The following PDE3B variants were observed in gnomAD, a reference collection of about 807,000 sequenced individuals.
PDE3B encodes the protein cGMP-inhibited 3',5'-cyclic phosphodiesterase 3B.
PDE3B carries 66 observed loss-of-function variants against 116.8 expected under a neutral mutation model. That is an observed-to-expected ratio of 0.56 (90% CI 0.46 to 0.69). The LOEUF (loss-of-function observed/expected upper bound fraction) is 0.69. Ranked by LOEUF, PDE3B falls within the 30% of genes least tolerant of loss-of-function variation. The pLI, the probability that PDE3B is intolerant of heterozygous loss-of-function variation, is 0.00. For missense variants in PDE3B, 1,384 were observed against 1,368.1 expected (o/e 1.01, Z -0.18); for synonymous variants, 595 against 533.6 (o/e 1.12, Z -1.59).
At chr11:14,755,253 G>A (rs1308485370) in intron 1 of PDE3B, among the ~76,000 whole-genome samples, 2 of 152,164 alleles carry the variant, frequency 1.3e-5, no homozygotes, top group East Asian at 3.9e-4. Context: ...CAAATTTATG[G>A]CAGATACATT....
intron 1 of PDE3B, among the ~76,000 whole-genome samples, chr11:14,665,234 C>G (rs1176421679): frequency 6.6e-6 from 1 of 152,190 alleles, no homozygotes; most frequent in East Asian, 1.9e-4. Context: ...ATGCTAAAAG[C>G]TCTCAATAAA....
At chr11:14,790,490 C>G (rs1344708686) in intron 4 of PDE3B, among the ~76,000 whole-genome samples, 1 of 151,954 alleles carries the variant, frequency 6.6e-6, no homozygotes. Context: ...ACCTTTCATA[C>G]TGATGTAACA....
the PDE3B span, among the ~76,000 whole-genome samples, chr11:14,893,634 T>C: frequency 6.6e-6 from 1 of 152,278 alleles, no homozygotes; most frequent in Middle Eastern, 3.4e-3. Flanking sequence ...CCCCATTCCT[T>C]CCTCTTCAAG....
chr11:14,872,416 A>G (rs1848153438), downstream of PDE3B, among the ~76,000 whole-genome samples: 1 of 152,216 alleles, frequency 6.6e-6, no homozygotes, highest in Non-Finnish European at 1.5e-5. Context: ...AACAGCATGT[A>G]CAGAGGCCAG....
chr11:14,691,887 A>G (rs1248386653), intron 1 of PDE3B, among the ~76,000 whole-genome samples: 1 of 152,144 alleles, frequency 6.6e-6, no homozygotes, highest in Non-Finnish European at 1.5e-5. Context: ...ATGCAAGTCA[A>G]ATTGTGTTTA....
chr11:14,823,047 C>T (rs1859571159), intron 7 of PDE3B, among the ~76,000 whole-genome samples: 2 of 152,172 alleles, frequency 1.3e-5, no homozygotes, highest in South Asian at 4.1e-4. Flanking sequence ...GACCTCCCAA[C>T]CAAGGTAACC....
intron 11 of PDE3B, 130 bp downstream of exon 11, chr11:14,835,225 G>GT (rs1860017032): frequency 1.8e-6 from 1 of 554,102 alleles, no homozygotes; most frequent in Non-Finnish European, 3.2e-6. Flanking sequence ...GACTGTGTAC[G>GT]TTTTTTTAAC....
At chr11:14,780,099 C>T (rs1857936629) in intron 2 of PDE3B, among the ~76,000 whole-genome samples, 1 of 152,000 alleles carries the variant, frequency 6.6e-6, no homozygotes, top group South Asian at 2.1e-4. Flanking sequence ...GGGATCAATT[C>T]AACAAGAAGA....
intron 14 of PDE3B, among the ~76,000 whole-genome samples, chr11:14,866,952 G>A (rs1316403421): frequency 6.6e-6 from 1 of 152,002 alleles, no homozygotes; most frequent in Non-Finnish European, 1.5e-5. Context: ...GTACCAGAAG[G>A]CAGGCCGTTG....
intron 1 of PDE3B, among the ~76,000 whole-genome samples, chr11:14,678,585 G>A (rs576037823): frequency 1.5e-4 from 23 of 152,146 alleles, no homozygotes; most frequent in African/African-American, 4.8e-4. Flanking sequence ...TCGTTAATGG[G>A]TAATGATTTT....
chr11:14,867,289 A>G (rs868977453), intron 14 of PDE3B, among the ~76,000 whole-genome samples: 46 of 152,164 alleles, frequency 3.0e-4, no homozygotes, highest in Admixed American at 1.1e-3. Flanking sequence ...AGTATCAGCC[A>G]TATTGGTTGA....
chr11:14,781,429 G>A (rs557496301), intron 2 of PDE3B, among the ~76,000 whole-genome samples: 1 of 152,136 alleles, frequency 6.6e-6, no homozygotes, highest in East Asian at 1.9e-4. Flanking sequence ...CTGGCAAACC[G>A]AATCCAGCAG....
At chr11:14,736,633 C>CT (rs1856608352) in intron 1 of PDE3B, among the ~76,000 whole-genome samples, 1 of 152,046 alleles carries the variant, frequency 6.6e-6, no homozygotes, top group South Asian at 2.1e-4. Context: ...GAATTTTGTC[C>CT]TAGGGTATTG....
chr11:14,795,170 A>G (rs756936167), intron 4 of PDE3B, among the ~76,000 whole-genome samples: 1 of 152,130 alleles, frequency 6.6e-6, no homozygotes. Flanking sequence ...TGGGGCTGAA[A>G]ACCCCCATCA....
At position 14,741,172 on chromosome 11, in the gene PDE3B, T is replaced by C. The variant is rs151292148; in HGVS notation, c.979-30765T>C. ...GAATTTCCTTGTTGATTTTCTATCG[T>C]ATTGATCTGTCTAATATTGTCAGTG... On this transcript the variant is annotated intron_variant, in intron 1 of 15. Coordinates refer to ENST00000282096, the MANE Select transcript of PDE3B (RefSeq NM_000922.4). 2.6e-3 allele frequency among the ~76,000 whole-genome samples: 397 copies of C among 152,134 alleles called. 2 individuals are homozygous for C. Among genetic ancestry groups the C allele is most frequent in the African/African-American group, 8.3e-3 (345 of 41,460 alleles).
intron 1 of PDE3B, among the ~76,000 whole-genome samples, chr11:14,658,628 T>A (rs1177249836): frequency 6.6e-6 from 1 of 152,232 alleles, no homozygotes; most frequent in African/African-American, 2.4e-5. Context: ...GTGCTGAGAT[T>A]ACAGGCATGA....
At chr11:14,648,171 C>A (rs1194812587) in intron 1 of PDE3B, among the ~76,000 whole-genome samples, 1 of 151,974 alleles carries the variant, frequency 6.6e-6, no homozygotes, top group Non-Finnish European at 1.5e-5. Context: ...CAATTTTCAG[C>A]TTTTCAATGA....
the PDE3B span, among the ~76,000 whole-genome samples, chr11:14,896,726 A>G: frequency 9.8e-5 from 15 of 152,348 alleles, no homozygotes; most frequent in Admixed American, 7.2e-4. Flanking sequence ...TCATATGGAC[A>G]CTGAGTGAAG....
At chr11:14,779,941 G>A (rs1207252277) in intron 2 of PDE3B, among the ~76,000 whole-genome samples, 12 of 150,362 alleles carry the variant, frequency 8.0e-5, no homozygotes, top group Admixed American at 1.3e-4. Context: ...GCAGAGACAC[G>A]CATAGGCTCA....
Sources: allele counts gnomAD v4.1 joint callset (sites outside exome capture counted in the v4.1 genomes callset), GRCh38; gene constraint gnomAD v4.1.1; transcripts MANE v1.5; gene names NCBI Gene and HGNC (gene_info 2026-07-23, HGNC 2026-07-21).